Variants in AK7 observed in about 807,000 individuals in gnomAD.
AK7 encodes the protein ATP-AMP transphosphorylase 7.
In AK7, 78 loss-of-function variants were observed where a neutral mutation model predicts 96.6. The observed-to-expected ratio is 0.81, with a 90% CI of 0.67 to 0.97. The LOEUF is 0.97. AK7 is among the 50% of genes least tolerant of loss of function. The pLI, the probability that AK7 is intolerant of heterozygous loss-of-function variation, is 0.00. For missense variants in AK7, 855 were observed against 887.9 expected, an observed-to-expected ratio of 0.96 and a Z score of 0.47; for synonymous variants, 302 against 317.2, an observed-to-expected ratio of 0.95 and a Z score of 0.51.
At chr14:96,449,699 G>T in intron 8 of AK7, 103 bp from the exon 9 acceptor site, 2 of 800,034 alleles carry the variant, frequency 2.5e-6, no homozygotes, top group Non-Finnish European at 4.1e-6. Flanking sequence ...CTCCCAAAGT[G>T]CTGGGATTAC....
chr14:96,404,155 A>AC (rs1227720268), intron 2 of AK7, among the ~76,000 whole-genome samples: 13 of 151,208 alleles, frequency 8.6e-5, no homozygotes, highest in South Asian at 4.2e-4. Context: ...CAAATTAAAA[A>AC]AAAAAAAAAA....
At chr14:96,431,453 C>T (rs992232108) in intron 5 of AK7, among the ~76,000 whole-genome samples, 2 of 152,094 alleles carry the variant, frequency 1.3e-5, no homozygotes, top group African/African-American at 2.4e-5. Context: ...GATTCTGGTA[C>T]GTTGTGTCTT....
At chr14:96,436,929 T>C (rs999643422) in intron 5 of AK7, among the ~76,000 whole-genome samples, 21 of 152,122 alleles carry the variant, frequency 1.4e-4, no homozygotes, top group Admixed American at 2.6e-4. Flanking sequence ...CATCTTATTC[T>C]GGATTCAGGG....
intron 6 of AK7, among the ~76,000 whole-genome samples, chr14:96,442,502 T>G (rs555371136): frequency 6.6e-6 from 1 of 151,872 alleles, no homozygotes; most frequent in South Asian, 2.1e-4. Context: ...GGGCTACACA[T>G]TATTTCTCTT....
At chr14:96,483,984 C>T (rs1170122150) in intron 16 of AK7, among the ~76,000 whole-genome samples, 2 of 151,980 alleles carry the variant, frequency 1.3e-5, no homozygotes, top group African/African-American at 4.8e-5. Context: ...AATCCCAGCA[C>T]TTTGGGAGGG....
chr14:96,458,673 C>T (rs975847691), intron 12 of AK7, among the ~76,000 whole-genome samples: 2 of 148,022 alleles, frequency 1.4e-5, no homozygotes, highest in Non-Finnish European at 3.0e-5. Context: ...ACCTGGGAGG[C>T]GGAGGTTGCA....
chr14:96,443,949 A>AT, intron 7 of AK7, among the ~76,000 whole-genome samples: 1 of 151,538 alleles, frequency 6.6e-6, no homozygotes, highest in Middle Eastern at 3.4e-3. Context: ...AATTTTTTGT[A>AT]TTTTTTTAGT....
chr14:96,424,357 G>A (rs1891901132), intron 5 of AK7: 2 of 324,576 alleles, frequency 6.2e-6, no homozygotes, highest in South Asian at 7.0e-5. Context: ...GGTATCTTAT[G>A]TCATCTGTGT....
At chr14:96,403,145 A>AATAAATAAATAC (rs1555376003) in intron 2 of AK7, among the ~76,000 whole-genome samples, 5 of 151,536 alleles carry the variant, frequency 3.3e-5, no homozygotes, top group Admixed American at 2.6e-4. Flanking sequence ...TAAATAAATA[A>AATAAATAAATAC]ATAAATAAAT....
intron 10 of AK7, among the ~76,000 whole-genome samples, chr14:96,452,336 T>A (rs1321333574): frequency 6.6e-6 from 1 of 152,064 alleles, no homozygotes; most frequent in African/African-American, 2.4e-5. Context: ...TTTTTTTTTT[T>A]TATTCAGACA....
chr14:96,476,521 A>C (rs1459598030), intron 14 of AK7, among the ~76,000 whole-genome samples: 3 of 152,118 alleles, frequency 2.0e-5, no homozygotes, highest in African/African-American at 7.2e-5. Flanking sequence ...AAAAAAAAAA[A>C]AAACCATAGA....
intron 3 of AK7, among the ~76,000 whole-genome samples, chr14:96,407,580 CT>C (rs11364736): frequency 0.22 from 13,123 of 60,122 alleles, 394 homozygotes; most frequent in East Asian, 0.29. Context: ...TCTTTCTTTT[CT>C]TTTTTTTTTT....
chr14:96,469,410 A>G (rs910971305), intron 12 of AK7, among the ~76,000 whole-genome samples: 1 of 152,108 alleles, frequency 6.6e-6, no homozygotes, highest in Non-Finnish European at 1.5e-5. Context: ...CTGTAATCCC[A>G]GCTACTCGGG....
At chr14:96,470,688 T>TTACAAAAAA in intron 12 of AK7, among the ~76,000 whole-genome samples, 1 of 152,136 alleles carries the variant, frequency 6.6e-6, no homozygotes. Flanking sequence ...CAGAGAAAAG[T>TTACAAAAAA]GCCTTTGAGG....
chr14:96,400,693 T>C (rs1197035811), intron 2 of AK7, among the ~76,000 whole-genome samples: 2 of 152,216 alleles, frequency 1.3e-5, no homozygotes, highest in East Asian at 3.9e-4. Flanking sequence ...GAAAGGACGA[T>C]GGACATTGCC....
intron 4 of AK7, among the ~76,000 whole-genome samples, chr14:96,419,400 AG>A (rs1891537496): frequency 1.3e-5 from 2 of 152,130 alleles, no homozygotes; most frequent in Admixed American, 1.3e-4. Context: ...GAGGCCAAGG[AG>A]GGGGGATTGC....
intron 12 of AK7, among the ~76,000 whole-genome samples, chr14:96,459,287 G>A (rs1022821238): frequency 1.3e-5 from 2 of 151,678 alleles, no homozygotes; most frequent in African/African-American, 2.4e-5. Flanking sequence ...GCAGTGAGCC[G>A]AGATCGTGCC....
At chr14:96,439,274 C>G (rs1892819980) in intron 6 of AK7, among the ~76,000 whole-genome samples, 1 of 151,452 alleles carries the variant, frequency 6.6e-6, no homozygotes. Context: ...TTGGAACCCT[C>G]CAATATTGGA....
At position 96,478,566 on chromosome 14, in the gene AK7, T is replaced by A. The variant is rs28636953; in HGVS notation, c.1657T>A (p.Phe553Ile). ...VAGTHYSQDR[F>I]LRALSNYRDI... ...GGGGACCCACTACAGCCAAGACCGA[T>A]TCCTCCGGGCTCTGAGCAACTACCG... The change falls in exon 15 of 18, where the codon TTC becomes ATC. Residue 553 changes from phenylalanine to isoleucine, a missense_variant. Transcript: ENST00000267584. 6.3e-5 allele frequency: 102 copies of A among 1,614,176 alleles called. No homozygotes were observed. The African/African-American group carries it at 1.2e-3, about 19-fold the overall frequency.
Sources: gnomAD v4.1 joint callset for allele counts (sites outside exome capture counted in the v4.1 genomes callset) on GRCh38, gnomAD v4.1.1 for gene constraint, MANE v1.5 for transcripts, NCBI Gene and HGNC (gene_info 2026-07-23, HGNC 2026-07-21) for gene names.